The following CD8B variants were observed in gnomAD, a reference collection of about 807,000 sequenced individuals.
CD8B encodes CD8 subunit beta, also known as T-cell surface glycoprotein CD8 beta chain.
Under a neutral mutation model 24.2 loss-of-function variants are expected in CD8B, and 6 were observed. That is an observed-to-expected ratio of 0.25 (90% CI 0.14 to 0.49). The LOEUF is 0.49. Among genes scored for constraint, CD8B ranks in the 20% least tolerant of loss-of-function variants. The pLI is 0.98. For synonymous variants in CD8B, 84 were observed against 108.3 expected (o/e 0.78, Z 1.39); for missense variants, 196 against 271.3 (o/e 0.72, Z 1.95).
chr2:86,816,431 A>G (rs1388416113), intron 5 of CD8B, among the ~76,000 whole-genome samples: 1 of 152,238 alleles, frequency 6.6e-6, no homozygotes, highest in Admixed American at 6.5e-5. Context: ...GCTGATTATC[A>G]AATTCATATG....
intron 2 of CD8B, 137 bp downstream of exon 2, chr2:86,857,920 T>C: frequency 4.3e-6 from 4 of 933,328 alleles, no homozygotes; most frequent in South Asian, 1.6e-5. Context: ...CTCCACATGT[T>C]CTTTCTGTTA....
chr2:86,826,234 C>CCTGA (rs1236603073), intron 5 of CD8B, among the ~76,000 whole-genome samples: 1 of 152,050 alleles, frequency 6.6e-6, no homozygotes, highest in Admixed American at 6.6e-5. Flanking sequence ...GGGTGAGGAG[C>CCTGA]CGTCACCCCT....
At chr2:86,821,502 T>TAA (rs1467189798) in intron 5 of CD8B, among the ~76,000 whole-genome samples, 1 of 152,202 alleles carries the variant, frequency 6.6e-6, no homozygotes, top group Non-Finnish European at 1.5e-5. Context: ...GGCCTTGTCC[T>TAA]GCGGACACAC....
intron 5 of CD8B, chr2:86,843,542 C>T (rs1675533157): frequency 8.1e-6 from 8 of 982,172 alleles, no homozygotes; most frequent in Non-Finnish European, 9.7e-6. Flanking sequence ...TAAAATCCAG[C>T]AGGCATGTTT....
chr2:86,859,732 G>C, intron 1 of CD8B, among the ~76,000 whole-genome samples: 1 of 150,246 alleles, frequency 6.7e-6, no homozygotes, highest in East Asian at 2.0e-4. Flanking sequence ...TTGCAGGCCA[G>C]GGCAGAGATG....
At position 86,842,282 on chromosome 2, in the gene CD8B, A is replaced by G. The variant is rs1203971645; in HGVS notation, c.*25T>C. 2.5e-6 allele frequency: 4 copies of G among 1,585,062 alleles called. No individual in the cohort carries two copies. Among genetic ancestry groups the G allele is most frequent in the South Asian group, 1.2e-5 (1 of 85,604 alleles). On this transcript the variant is annotated 3_prime_UTR_variant, in exon 6 of 6. Coordinates refer to ENST00000390655, the MANE Select transcript of CD8B (RefSeq NM_004931.5). ...TTACTGACCGATGTCTTTTTGTAGC[A>G]GGACACCAAAACCGTATTCTCTGCT... is the stretch of plus-strand genomic sequence containing the variant.
chr2:86,854,861 C>G (rs1676155848), intron 2 of CD8B, among the ~76,000 whole-genome samples: 1 of 151,992 alleles, frequency 6.6e-6, no homozygotes, highest in Admixed American at 6.5e-5. Flanking sequence ...TGACTCACGC[C>G]TGTAATCCCA....
At chr2:86,829,575 A>C (rs1256200311) in intron 5 of CD8B, among the ~76,000 whole-genome samples, 1 of 152,092 alleles carries the variant, frequency 6.6e-6, no homozygotes, top group Non-Finnish European at 1.5e-5. Flanking sequence ...CTCCTGAGCA[A>C]GTAACTCTCA....
chr2:86,845,939 A>G (rs1173218050), intron 4 of CD8B, among the ~76,000 whole-genome samples: 1 of 152,188 alleles, frequency 6.6e-6, no homozygotes, highest in Non-Finnish European at 1.5e-5. Flanking sequence ...AGAGCCACTG[A>G]TCTAGTTCAT....
intron 5 of CD8B, among the ~76,000 whole-genome samples, chr2:86,830,397 T>C (rs755415044): frequency 5.9e-5 from 9 of 152,024 alleles, no homozygotes; most frequent in Non-Finnish European, 1.0e-4. Flanking sequence ...CGAAACCCTA[T>C]CTCTACTAAA....
At position 86,815,605 on chromosome 2, in the gene CD8B, G is replaced by A. The variant is rs201843972; in HGVS notation, c.*2C>T. 7 of 1,563,888 alleles carry A rather than the reference G, an allele frequency of 4.5e-6. No individual in the cohort carries two copies. The African/African-American group carries it at 6.7e-5, about 15-fold the overall frequency. ...CCACTCATCAGGACCTGTGCTTCTT[G>A]CCTATGTTTTCAGGATCCATGGGTT... On this transcript the variant is annotated 3_prime_UTR_variant, in exon 6 of 6. Coordinates refer to the CD8B transcript ENST00000331469.
At chr2:86,828,510 C>A (rs1006480010) in intron 5 of CD8B, among the ~76,000 whole-genome samples, 1 of 152,102 alleles carries the variant, frequency 6.6e-6, no homozygotes, top group Non-Finnish European at 1.5e-5. Context: ...AATCTCTCTT[C>A]TGAAGTTAAG....
chr2:86,856,858 A>G (rs1316909478), intron 2 of CD8B, among the ~76,000 whole-genome samples: 1 of 150,568 alleles, frequency 6.6e-6, no homozygotes, highest in African/African-American at 2.5e-5. Flanking sequence ...ATGAATGTAA[A>G]ATATTTCAGC....
In CD8B at chr2:86,823,839, G is replaced by C. The variant is rs183541129; in HGVS notation, c.621-8121C>G. Among the ~76,000 whole-genome samples the C allele has an allele frequency of 2.6e-5, 4 of 152,290 alleles. No individual in the cohort carries two copies. In the East Asian group the frequency reaches 7.7e-4, roughly 29 times the overall value. ...GAGAGTGAGAAGTGCTGTAAGTGCA[G>C]TGACAGACACCGCCCCAGGGCCTCC... On this transcript the variant is annotated intron_variant, in intron 5 of 5. Coordinates refer to the CD8B transcript ENST00000331469.
intron 3 of CD8B, among the ~76,000 whole-genome samples, chr2:86,849,114 AG>A (rs1318953354): frequency 6.6e-6 from 1 of 152,286 alleles, no homozygotes; most frequent in African/African-American, 2.4e-5. Context: ...AGCTACTAAA[AG>A]GCAGGACCAG....
chr2:86,819,063 T>C (rs1010431846), intron 5 of CD8B, among the ~76,000 whole-genome samples: 2 of 152,142 alleles, frequency 1.3e-5, no homozygotes, highest in Admixed American at 6.5e-5. Context: ...AAGTCCCAAC[T>C]CTCTTAAATT....
chr2:86,850,829 G>A (rs1349422261), intron 3 of CD8B, among the ~76,000 whole-genome samples: 2 of 152,088 alleles, frequency 1.3e-5, no homozygotes, highest in Non-Finnish European at 2.9e-5. Context: ...AGTGGCTCAC[G>A]CCTGTAATCC....
chr2:86,846,641 C>G, intron 4 of CD8B, 43 bp downstream of exon 4: 1 of 981,996 alleles, frequency 1.0e-6, no homozygotes, highest in South Asian at 1.5e-5. Context: ...ACACTTCAAA[C>G]AGCAAACAGG....
chr2:86,852,704 G>A (rs1676034292), intron 3 of CD8B, among the ~76,000 whole-genome samples: 2 of 152,178 alleles, frequency 1.3e-5, no homozygotes, highest in South Asian at 2.1e-4. Flanking sequence ...TGGATGTTTG[G>A]GTAGTTTCTG....
Sources: allele counts gnomAD v4.1 joint callset (sites outside exome capture counted in the v4.1 genomes callset), GRCh38; gene constraint gnomAD v4.1.1; transcripts MANE v1.5; gene names NCBI Gene and HGNC (gene_info 2026-07-23, HGNC 2026-07-21).